ERC2: variants seen among roughly 807,000 people sequenced by gnomAD.
The protein encoded by ERC2 is ERC protein 2.
A neutral mutation model predicts 114.8 loss-of-function variants in ERC2; 42 were observed. The ratio of observed to expected loss-of-function variants is 0.37; its 90% CI spans 0.29 to 0.47. The LOEUF (loss-of-function observed/expected upper bound fraction) is 0.47, where lower values mean the gene tolerates loss of function less well. Ranked by LOEUF, ERC2 falls within the 20% of genes least tolerant of loss-of-function variation. The pLI is 0.99. For synonymous variants in ERC2, 454 were observed against 425.5 expected, an observed-to-expected ratio of 1.07 and a Z score of -0.82; for missense variants, 939 against 1,150.7, an observed-to-expected ratio of 0.82 and a Z score of 2.66.
intron 4 of ERC2, among the ~76,000 whole-genome samples, chr3:56,173,006 T>C (rs570430438): frequency 3.3e-4 from 50 of 152,326 alleles, no homozygotes; most frequent in African/African-American, 8.9e-4. Context: ...TTTTGAAAAG[T>C]AAATTTTGCT....
At chr3:55,692,153 A>G (rs1005455455) in intron 16 of ERC2, among the ~76,000 whole-genome samples, 7 of 152,188 alleles carry the variant, frequency 4.6e-5, no homozygotes, top group African/African-American at 1.7e-4. Flanking sequence ...AGGGCTGCAC[A>G]TTGACTAATC....
chr3:55,904,895 T>C (rs567938243), intron 13 of ERC2, among the ~76,000 whole-genome samples: 35 of 152,236 alleles, frequency 2.3e-4, no homozygotes, highest in Non-Finnish European at 4.6e-4. Context: ...TTCACGGTCA[T>C]TCCTGCTAAG....
At chr3:56,084,189 C>T (rs1021722850) in intron 6 of ERC2, among the ~76,000 whole-genome samples, 1 of 152,094 alleles carries the variant, frequency 6.6e-6, no homozygotes, top group Non-Finnish European at 1.5e-5. Flanking sequence ...ACCAGAATAG[C>T]TATTCTTAAA....
chr3:56,267,698 G>A (rs2053409698), intron 3 of ERC2, among the ~76,000 whole-genome samples: 1 of 152,016 alleles, frequency 6.6e-6, no homozygotes, highest in Admixed American at 6.5e-5. Flanking sequence ...AGAATCACTT[G>A]AACCCAGGAG....
At chr3:55,990,622 A>T (rs1576474275) in intron 11 of ERC2, among the ~76,000 whole-genome samples, 1 of 152,110 alleles carries the variant, frequency 6.6e-6, no homozygotes, top group Admixed American at 6.6e-5. Flanking sequence ...CCCTGTGTTG[A>T]CCAGGCTGGC....
At chr3:56,065,340 A>T (rs1254220387) in intron 7 of ERC2, among the ~76,000 whole-genome samples, 10 of 151,698 alleles carry the variant, frequency 6.6e-5, no homozygotes, top group Non-Finnish European at 1.5e-5. Context: ...CTCCCACCTC[A>T]GCCTCCCGAA....
intron 14 of ERC2, among the ~76,000 whole-genome samples, chr3:55,835,141 A>T (rs2060812352): frequency 6.6e-6 from 1 of 152,154 alleles, no homozygotes; most frequent in African/African-American, 2.4e-5. Context: ...GTCCAGGACC[A>T]GATGGATTCA....
At chr3:55,903,268 T>C (rs554267772) in intron 13 of ERC2, among the ~76,000 whole-genome samples, 294 of 152,324 alleles carry the variant, frequency 1.9e-3, no homozygotes, top group African/African-American at 6.8e-3. Context: ...TTAAAAAAAA[T>C]TCACCATTTT....
chr3:55,555,108 T>G (rs116477915), intron 17 of ERC2, among the ~76,000 whole-genome samples: 4 of 151,996 alleles, frequency 2.6e-5, no homozygotes, highest in Non-Finnish European at 5.9e-5. Context: ...ATAAGATGAA[T>G]AATCCTAATA....
intron 1 of ERC2, among the ~76,000 whole-genome samples, chr3:56,448,861 G>A (rs1388577377): frequency 6.6e-6 from 1 of 152,074 alleles, no homozygotes; most frequent in Non-Finnish European, 1.5e-5. Flanking sequence ...GGATCACAAG[G>A]TCAGGAGATC....
intron 3 of ERC2, among the ~76,000 whole-genome samples, chr3:56,272,768 T>C (rs2053740261): frequency 2.0e-5 from 3 of 152,060 alleles, no homozygotes; most frequent in South Asian, 2.1e-4. Context: ...TTTGTCTCAA[T>C]AATAAAAAAC....
chr3:55,739,203 A>G (rs2065827405), intron 14 of ERC2, among the ~76,000 whole-genome samples: 1 of 152,202 alleles, frequency 6.6e-6, no homozygotes, highest in Non-Finnish European at 1.5e-5. Flanking sequence ...TATTGTGAAT[A>G]GTGCCGCAAT....
chr3:55,632,058 G>C (rs571789299), intron 17 of ERC2, among the ~76,000 whole-genome samples: 6 of 152,328 alleles, frequency 3.9e-5, no homozygotes, highest in Admixed American at 3.9e-4. Context: ...TGACCTTGGA[G>C]TCTGCACTGA....
chr3:55,733,047 C>G (rs1371973382), intron 15 of ERC2, among the ~76,000 whole-genome samples: 1 of 152,136 alleles, frequency 6.6e-6, no homozygotes, highest in Non-Finnish European at 1.5e-5. Context: ...GCCGTAATAT[C>G]TGGACTGTGG....
intron 2 of ERC2, among the ~76,000 whole-genome samples, chr3:56,384,481 G>A (rs184270293): frequency 6.6e-6 from 1 of 152,056 alleles, no homozygotes; most frequent in East Asian, 1.9e-4. Context: ...ATGCTTGTTG[G>A]CCATCTGTAT....
chr3:55,831,901 C>T (rs990738170), intron 14 of ERC2, among the ~76,000 whole-genome samples: 81 of 152,310 alleles, frequency 5.3e-4, no homozygotes, highest in African/African-American at 1.9e-3. Flanking sequence ...CACTCCCACC[C>T]GAATACTGTG....
intron 6 of ERC2, among the ~76,000 whole-genome samples, chr3:56,124,565 A>G (rs188309083): frequency 2.6e-5 from 4 of 152,258 alleles, no homozygotes; most frequent in Admixed American, 2.0e-4. Context: ...CAGTAGCTGA[A>G]AGGAGGGAAT....
chr3:55,649,289 C>T (rs1490836954), intron 17 of ERC2, among the ~76,000 whole-genome samples: 1 of 141,738 alleles, frequency 7.1e-6, no homozygotes, highest in Non-Finnish European at 1.5e-5. Flanking sequence ...GAGAGAGAGG[C>T]TCACTCTGTC....
chr3:55,615,526 C>T (rs1197861331), intron 17 of ERC2, among the ~76,000 whole-genome samples: 5 of 152,174 alleles, frequency 3.3e-5, no homozygotes, highest in Admixed American at 2.0e-4. Flanking sequence ...AATCACCTCA[C>T]CTCCTGACTA....
Sources: gnomAD v4.1 joint callset for allele counts (sites outside exome capture counted in the v4.1 genomes callset) on GRCh38, gnomAD v4.1.1 for gene constraint, MANE v1.5 for transcripts, NCBI Gene and HGNC (gene_info 2026-07-23, HGNC 2026-07-21) for gene names.